GREB1L: variants seen among roughly 807,000 people sequenced by gnomAD.
GREB1L encodes GREB1-like protein.
In GREB1L, 17 loss-of-function variants were observed where a neutral mutation model predicts 200.8. That is an observed-to-expected ratio of 0.08 (90% confidence interval 0.06 to 0.13). The LOEUF (loss-of-function observed/expected upper bound fraction) is 0.13. GREB1L is among the 10% of genes least tolerant of loss of function. The probability of loss-of-function intolerance (pLI) is 1.00; values close to 1 mark genes in which losing one functional copy is unlikely to be tolerated. For missense variants in GREB1L, 1,657 were observed against 2,367.7 expected (o/e 0.70, Z 6.23); for synonymous variants, 789 against 893.0 (o/e 0.88, Z 2.08).
At chr18:21,245,477 T>A (rs1487264548) in intron 1 of GREB1L, among the ~76,000 whole-genome samples, 1 of 152,188 alleles carries the variant, frequency 6.6e-6, no homozygotes, top group Non-Finnish European at 1.5e-5. Flanking sequence ...GGTTTTTATT[T>A]TTTCCAGCTC....
rs147949496 is a variant in GREB1L at position 21,305,557 on chromosome 18, C to T, written c.-119-60470C>T. On this transcript the variant is annotated intron_variant, in intron 1 of 32. Transcript: ENST00000424526. Reference sequence around the variant, plus strand: ...ACGCTTCTTCCCATGTTCATATTCTCATTGTAGTTCCAGCCATCATTACCT... The same window carrying T: ...ACGCTTCTTCCCATGTTCATATTCTTATTGTAGTTCCAGCCATCATTACCT... Among the ~76,000 whole-genome samples the T allele has an allele frequency of 4.4e-4, 67 of 152,280 alleles. 1 individual carries two copies. The highest frequency in any genetic ancestry group is 1.5e-5 in the Non-Finnish European group (1 of 68,012).
rs559660656 is a variant in GREB1L, at chr18:21,390,528, G to GTTTGTT, written c.356-4834_356-4829dup. ...TTTTAACAAAAAAGTTTGTTTGTTT[G>GTTTGTT]TTTGTTTTTGTTTTTGTTTTTGTTT... On this transcript the variant is annotated intron_variant, in intron 4 of 32. Transcript: ENST00000424526. 1.8e-4 allele frequency among the ~76,000 whole-genome samples: 27 copies of GTTTGTT among 152,192 alleles called. 1 individual carries two copies. The highest frequency in any genetic ancestry group is 1.7e-3 in the South Asian group (8 of 4,812).
intron 1 of GREB1L, among the ~76,000 whole-genome samples, chr18:21,275,373 T>C (rs2038145485): frequency 6.6e-6 from 1 of 152,226 alleles, no homozygotes; most frequent in African/African-American, 2.4e-5. Flanking sequence ...TATTTTAAAA[T>C]TTTTAATTAT....
intron 1 of GREB1L, among the ~76,000 whole-genome samples, chr18:21,265,357 C>G (rs2144172785): frequency 6.6e-6 from 1 of 152,052 alleles, no homozygotes; most frequent in East Asian, 1.9e-4. Flanking sequence ...ACTATACTGT[C>G]TTTAAGATCT....
At chr18:21,245,430 A>G (rs1418348131) in intron 1 of GREB1L, among the ~76,000 whole-genome samples, 1 of 152,198 alleles carries the variant, frequency 6.6e-6, no homozygotes, top group Non-Finnish European at 1.5e-5. Context: ...ACAAAAGAAA[A>G]TTCAATACCA....
intron 5 of GREB1L, among the ~76,000 whole-genome samples, chr18:21,399,972 G>C (rs1260974644): frequency 6.6e-6 from 1 of 151,852 alleles, no homozygotes; most frequent in Non-Finnish European, 1.5e-5. Context: ...TATATATCAG[G>C]TTAGCTTAGG....
intron 27 of GREB1L, among the ~76,000 whole-genome samples, chr18:21,509,683 A>C (rs1369050191): frequency 6.6e-6 from 1 of 152,128 alleles, no homozygotes; most frequent in African/African-American, 2.4e-5. Flanking sequence ...CAGCCTCCCC[A>C]AAACCACCTA....
At chr18:21,453,363 A>T (rs1210050128) in intron 14 of GREB1L, among the ~76,000 whole-genome samples, 1 of 152,188 alleles carries the variant, frequency 6.6e-6, no homozygotes, top group Non-Finnish European at 1.5e-5. Flanking sequence ...GGTAACTGGG[A>T]TATGTTGACG....
intron 18 of GREB1L, among the ~76,000 whole-genome samples, chr18:21,487,968 G>A (rs1479804567): frequency 4.7e-5 from 7 of 149,274 alleles, no homozygotes; most frequent in African/African-American, 7.4e-5. Context: ...CTGAGATTGC[G>A]CCATTGCACT....
At chr18:21,318,117 A>C (rs562440930) in intron 1 of GREB1L, among the ~76,000 whole-genome samples, 71 of 151,984 alleles carry the variant, frequency 4.7e-4, no homozygotes, top group Non-Finnish European at 8.8e-4. Context: ...AAAAAAAAAA[A>C]AAAAAAAACA....
chr18:21,374,119 A>C (rs2039981457), intron 2 of GREB1L, among the ~76,000 whole-genome samples: 1 of 152,042 alleles, frequency 6.6e-6, no homozygotes, highest in Non-Finnish European at 1.5e-5. Context: ...CTCATGCCTC[A>C]GCCTCCTGAG....
intron 23 of GREB1L, among the ~76,000 whole-genome samples, chr18:21,502,132 A>G (rs182174634): frequency 6.6e-6 from 1 of 152,190 alleles, no homozygotes; most frequent in Non-Finnish European, 1.5e-5. Context: ...GGTGCCTGTT[A>G]TCCCAGCTAC....
At chr18:21,245,578 A>G (rs2037583135) in intron 1 of GREB1L, among the ~76,000 whole-genome samples, 1 of 152,144 alleles carries the variant, frequency 6.6e-6, no homozygotes, top group Admixed American at 6.5e-5. Context: ...CATTTTTTCT[A>G]TAGCTTACTT....
intron 25 of GREB1L, among the ~76,000 whole-genome samples, chr18:21,506,648 C>CTG (rs1219540748): frequency 6.6e-6 from 1 of 152,204 alleles, no homozygotes; most frequent in Non-Finnish European, 1.5e-5. Context: ...ATCTCAGATC[C>CTG]ACAGGGTGTG....
At chr18:21,448,466 G>C (rs2034352201) in intron 11 of GREB1L, among the ~76,000 whole-genome samples, 1 of 152,144 alleles carries the variant, frequency 6.6e-6, no homozygotes, top group African/African-American at 2.4e-5. Flanking sequence ...ATCCCTATTA[G>C]AGGAAGGAAT....
chr18:21,319,459 T>C (rs552237314), intron 1 of GREB1L, among the ~76,000 whole-genome samples: 12 of 152,374 alleles, frequency 7.9e-5, no homozygotes, highest in African/African-American at 2.9e-4. Flanking sequence ...TATACTCTTA[T>C]ATTGTATTTT....
At chr18:21,472,944 C>T (rs1306158696) in intron 15 of GREB1L, 87 bp from the exon 16 acceptor site, 3 of 883,562 alleles carry the variant, frequency 3.4e-6, no homozygotes, top group African/African-American at 3.4e-5. Context: ...TACCCAGTGT[C>T]AGCTGACAAT....
At chr18:21,273,900 G>A (rs1294844598) in intron 1 of GREB1L, among the ~76,000 whole-genome samples, 1 of 151,948 alleles carries the variant, frequency 6.6e-6, no homozygotes, top group African/African-American at 2.4e-5. Context: ...ATTTGTGCAT[G>A]TGATTAAAAA....
intron 7 of GREB1L, among the ~76,000 whole-genome samples, chr18:21,407,174 T>G (rs2030361805): frequency 6.6e-6 from 1 of 151,986 alleles, no homozygotes; most frequent in Admixed American, 6.6e-5. Flanking sequence ...GCACCTGGCC[T>G]TCTCTTAACA....
Sources: gnomAD v4.1 joint callset for allele counts (sites outside exome capture counted in the v4.1 genomes callset) on GRCh38, gnomAD v4.1.1 for gene constraint, MANE v1.5 for transcripts, NCBI Gene and HGNC (gene_info 2026-07-23, HGNC 2026-07-21) for gene names.